Variants in TAF11L2 observed in about 807,000 individuals in gnomAD.
TAF11L2 encodes the protein TATA-box binding protein associated factor 11 like protein 2.
exon 1 of TAF11L2, chr5:17,498,581 C>T (rs1738266116): frequency 2.5e-6 from 1 of 398,862 alleles, no homozygotes. Context: ...GGTCAGCTTT[C>T]CCAAAAGCAT....
At chr5:17,498,298 G>T (rs1738258641) in exon 1 of TAF11L2, 2 of 398,618 alleles carry the variant, frequency 5.0e-6, no homozygotes, top group East Asian at 7.1e-5. Context: ...CTGAAGGGCA[G>T]CAAGAAGGAT....
chr5:17,498,663 A>T (rs1738268672), exon 1 of TAF11L2: 1 of 398,688 alleles, frequency 2.5e-6, no homozygotes, highest in Admixed American at 4.4e-5. Flanking sequence ...CATGGCTGGA[A>T]TAGCCAAGGT....
exon 1 of TAF11L2, chr5:17,498,352 A>T: frequency 2.5e-6 from 1 of 398,614 alleles, no homozygotes; most frequent in Non-Finnish European, 4.4e-6. Flanking sequence ...GAACCCAGGG[A>T]TCAGGAAGGT....
chr5:17,498,276 AT>A, the TAF11L2 span: 1 of 398,620 alleles, frequency 2.5e-6, no homozygotes, highest in Non-Finnish European at 4.4e-6. Flanking sequence ...GATGTTCGCC[AT>A]GCCCCGAGAT....
At chr5:17,498,361 G>C (rs1194183411) in exon 1 of TAF11L2, 4 of 398,496 alleles carry the variant, frequency 1.0e-5, no homozygotes, top group Non-Finnish European at 1.8e-5. Context: ...GATCAGGAAG[G>C]TGAGCTCAGG....
chr5:17,498,399 G>A (rs1184495031), exon 1 of TAF11L2: 1 of 398,646 alleles, frequency 2.5e-6, no homozygotes, highest in Non-Finnish European at 4.4e-6. Flanking sequence ...CCTCACAGAA[G>A]GTGACAATGA....
chr5:17,498,660 G>A, exon 1 of TAF11L2: 1 of 398,806 alleles, frequency 2.5e-6, no homozygotes, highest in Non-Finnish European at 4.4e-6. Flanking sequence ...TGCCATGGCT[G>A]GAATAGCCAA....
At chr5:17,498,728 A>G (rs1182637610) in exon 1 of TAF11L2, 4 of 398,410 alleles carry the variant, frequency 1.0e-5, no homozygotes, top group East Asian at 7.1e-5. Context: ...TGTGGGGAGA[A>G]ATGCCCCCAC....
At chr5:17,498,560 A>T in exon 1 of TAF11L2, 1 of 398,828 alleles carries the variant, frequency 2.5e-6, no homozygotes, top group Non-Finnish European at 4.4e-6. Flanking sequence ...CCCGCTACGA[A>T]GTGTGTCGCC....
Position 17,498,768 on chromosome 5 carries a change from C to T in TAF11L2, c.538C>T (p.Arg180Cys), listed in dbSNP as rs184791699. The change falls in exon 1 of 1, where the codon CGC becomes TGC. Residue 180 changes from arginine (R) to cysteine (C), a missense_variant. Physicochemically the swap from Arg to Cys is radical, Grantham distance 180. Transcript: ENST00000639081. ...GCCCAAGCATTTAAGGGAGGCTGTT[C>T]GCAGGTTAAAGCCCAAGGGCCTCTT... 1.4e-3 allele frequency: 548 copies of T among 398,556 alleles called. 2 individuals carry two copies. The highest frequency in any genetic ancestry group is 2.1e-3 in the Non-Finnish European group (471 of 226,054). The allele number at this position is 398,556 out of a possible 1,614,324, so 24.7% of individuals were successfully genotyped here. A position where few individuals can be genotyped will look rare whatever the true frequency, so the allele number is the denominator to read the frequency against.
chr5:17,498,586 A>G (rs918913488), exon 1 of TAF11L2: 28 of 398,680 alleles, frequency 7.0e-5, no homozygotes, highest in African/African-American at 4.1e-4. Context: ...GCTTTCCCAA[A>G]AGCATGCATT....
Position 17,498,618 on chromosome 5 carries a change from A to G in TAF11L2, c.388A>G (p.Thr130Ala), listed in dbSNP as rs1738267265. Reference sequence around the variant, plus strand: ...CATTGCGGGTCTGATGCGGTCTATCACTGGCAGATCGGTGTCTGAGAACGT... The same window carrying G: ...CATTGCGGGTCTGATGCGGTCTATCGCTGGCAGATCGGTGTCTGAGAACGT... Residue 130 changes from threonine (T) to alanine (A), a missense_variant, in exon 1 of 1, where the codon ACT becomes GCT. Thr to Ala is a moderately conservative substitution (Grantham distance 58). Transcript: ENST00000639081. 1.3e-5 allele frequency: 5 copies of G among 398,560 alleles called. No individual in the cohort carries two copies. In the South Asian group the frequency reaches 6.4e-4, roughly 51 times the overall value. The allele number at this position is 398,560 out of a possible 1,614,324, so 24.7% of individuals were successfully genotyped here.
chr5:17,498,789 C>T, exon 1 of TAF11L2: 1 of 398,660 alleles, frequency 2.5e-6, no homozygotes, highest in Non-Finnish European at 4.4e-6. Flanking sequence ...GCCCAAGGGC[C>T]TCTTCCCCAA....
At chr5:17,498,372 A>G in exon 1 of TAF11L2, 1 of 398,626 alleles carries the variant, frequency 2.5e-6, no homozygotes, top group African/African-American at 2.1e-5. Flanking sequence ...TGAGCTCAGG[A>G]GTGAGGATGT....
At chr5:17,498,661 G>T (rs1407005705) in exon 1 of TAF11L2, 1 of 398,674 alleles carries the variant, frequency 2.5e-6, no homozygotes, top group Non-Finnish European at 4.4e-6. Context: ...GCCATGGCTG[G>T]AATAGCCAAG....
At chr5:17,498,824 C>A (rs1419698798) in exon 1 of TAF11L2, 1 of 398,640 alleles carries the variant, frequency 2.5e-6, no homozygotes, top group Non-Finnish European at 4.4e-6. Flanking sequence ...AAATCATGTT[C>A]TAGGCCCAAG....
exon 1 of TAF11L2, chr5:17,498,254 T>C: frequency 7.5e-6 from 3 of 397,670 alleles, no homozygotes; most frequent in East Asian, 3.6e-5. Flanking sequence ...GGCAAACAGG[T>C]GTGTCTGCTG....
In TAF11L2 at chr5:17,498,647, G is replaced by C. The variant is rs532057099; in HGVS notation, c.417G>C (p.Ala139=). 103 of 398,756 alleles carry C rather than the reference G, an allele frequency of 2.6e-4. 2 individuals are homozygous for C. Among genetic ancestry groups the C allele is most frequent in the African/African-American group, 1.8e-3 (85 of 48,434 alleles). The allele number at this position is 398,756 out of a possible 1,614,324, so 24.7% of individuals were successfully genotyped here. ...GCAGATCGGTGTCTGAGAACGTGGCGATTGCCATGGCTGGAATAGCCAAGG... is the reference window on the plus strand; with the variant it reads ...GCAGATCGGTGTCTGAGAACGTGGCCATTGCCATGGCTGGAATAGCCAAGG... The change falls in exon 1 of 1, where the codon GCG becomes GCC. Residue 139 remains alanine (A), a synonymous_variant. Coordinates refer to ENST00000639081, the Ensembl canonical transcript of TAF11L2.
chr5:17,498,643 T>C (rs1013596341), exon 1 of TAF11L2: 41 of 398,720 alleles, frequency 1.0e-4, no homozygotes, highest in African/African-American at 7.0e-4. Flanking sequence ...TCTGAGAACG[T>C]GGCGATTGCC....
Sources: gnomAD v4.1 joint callset for allele counts on GRCh38, gnomAD v4.1.1 for gene constraint, MANE v1.5 for transcripts, NCBI Gene and HGNC (gene_info 2026-07-23, HGNC 2026-07-21) for gene names.